CNTN4: variants seen among roughly 807,000 people sequenced by gnomAD.
CNTN4 encodes contactin-4.
Under a neutral mutation model 122.5 loss-of-function variants are expected in CNTN4, and 77 were observed. The ratio of observed to expected loss-of-function variants is 0.63; its 90% CI spans 0.52 to 0.76. CNTN4 has a LOEUF of 0.76. Ranked by LOEUF, CNTN4 falls within the 30% of genes least tolerant of loss-of-function variation. The pLI, the probability that CNTN4 is intolerant of heterozygous loss-of-function variation, is 0.00. For synonymous variants in CNTN4, 512 were observed against 447.0 expected, an observed-to-expected ratio of 1.15 and a Z score of -1.83; for missense variants, 1,256 against 1,259.1, an observed-to-expected ratio of 1.00 and a Z score of 0.04.
intron 3 of CNTN4, among the ~76,000 whole-genome samples, chr3:2,370,267 G>A (rs2045582612): frequency 6.6e-6 from 1 of 151,996 alleles, no homozygotes; most frequent in Non-Finnish European, 1.5e-5. Flanking sequence ...CCCAGTGTTA[G>A]CTATTCTGTA....
chr3:2,602,748 C>G (rs9870780), intron 4 of CNTN4, among the ~76,000 whole-genome samples: 172 of 152,224 alleles, frequency 1.1e-3, no homozygotes, highest in African/African-American at 3.9e-3. Flanking sequence ...CTTCAGTTCA[C>G]CCAAGGATTA....
chr3:2,348,356 T>C (rs1453116916), intron 3 of CNTN4, among the ~76,000 whole-genome samples: 1 of 152,198 alleles, frequency 6.6e-6, no homozygotes, highest in Admixed American at 6.5e-5. Context: ...CTTCTTTTCA[T>C]GGATTTAGGG....
At chr3:2,198,018 ACTCT>A (rs1388092733) in intron 2 of CNTN4, among the ~76,000 whole-genome samples, 3 of 137,900 alleles carry the variant, frequency 2.2e-5, no homozygotes, top group African/African-American at 8.0e-5. Flanking sequence ...GGCAACAGAC[ACTCT>A]CTCTGGAAAA....
At position 2,385,426 on chromosome 3, in the gene CNTN4, TG is replaced by T. The variant is rs1257263211; in HGVS notation, c.-89+46194del. Among the ~76,000 whole-genome samples, 3 of 152,096 alleles carry T rather than the reference TG, an allele frequency of 2.0e-5. No individual in the cohort carries two copies. The highest frequency in any genetic ancestry group is 2.9e-5 in the Non-Finnish European group (2 of 68,030). On this transcript the variant is annotated intron_variant, in intron 3 of 24. Coordinates refer to ENST00000418658, the MANE Select transcript of CNTN4 (RefSeq NM_175607.3). This position sits in a 1 kb window ranked among gnomAD's most constrained non-coding sequence, Gnocchi z 4.0. ...ACTATTACCTGAGCAATATTCCTGG[TG>T]TCTTGTTCATAGCAGATGCTTGTAT...
At chr3:2,334,448 G>A (rs984716050) in intron 2 of CNTN4, among the ~76,000 whole-genome samples, 2 of 152,066 alleles carry the variant, frequency 1.3e-5, no homozygotes, top group Non-Finnish European at 1.5e-5. Context: ...TAGGAGCCAC[G>A]GCACCTGGCC....
chr3:2,287,705 AGAAGAGGAAG>A (rs2041978426), intron 2 of CNTN4, among the ~76,000 whole-genome samples: 2 of 72,050 alleles, frequency 2.8e-5, no homozygotes, highest in African/African-American at 1.1e-4. Context: ...AAGAAGAAGA[AGAAGAGGAAG>A]AAGAAGAAGA....
chr3:2,901,790 T>C (rs115451866), intron 11 of CNTN4, among the ~76,000 whole-genome samples: 47 of 152,274 alleles, frequency 3.1e-4, no homozygotes, highest in African/African-American at 1.1e-3. Context: ...TGGGAGTTTA[T>C]GTAGCTGGGG....
chr3:2,778,269 C>A (rs2091429802), intron 6 of CNTN4, among the ~76,000 whole-genome samples: 1 of 57,416 alleles, frequency 1.7e-5, no homozygotes. Context: ...AAAGAAATAA[C>A]TGTCCCAGAA....
intron 3 of CNTN4, among the ~76,000 whole-genome samples, chr3:2,470,267 G>A (rs1469936505): frequency 7.9e-5 from 12 of 151,948 alleles, no homozygotes; most frequent in African/African-American, 1.7e-4. Context: ...TAGTAGAGAC[G>A]GGGTTTCACC....
chr3:2,379,964 G>A (rs2045956663), intron 3 of CNTN4, among the ~76,000 whole-genome samples: 1 of 151,528 alleles, frequency 6.6e-6, no homozygotes, highest in African/African-American at 2.4e-5. Flanking sequence ...GGCTGAGACC[G>A]GAGAATCGCT....
intron 4 of CNTN4, among the ~76,000 whole-genome samples, chr3:2,697,522 G>T (rs149630979): frequency 6.6e-6 from 1 of 152,256 alleles, no homozygotes; most frequent in South Asian, 2.1e-4. Flanking sequence ...TCAGGTTGGG[G>T]TTGCCAGTGA....
chr3:2,462,295 T>C (rs1307620820), intron 3 of CNTN4, among the ~76,000 whole-genome samples: 1 of 152,172 alleles, frequency 6.6e-6, no homozygotes, highest in East Asian at 1.9e-4. Context: ...CTGTTTAGTA[T>C]GTACCTCATA....
Position 2,622,161 on chromosome 3 carries a change from G to C in CNTN4, c.55+50603G>C, listed in dbSNP as rs148114974. ...TTTGCTGTTTCTAGATTCTGCGTTT[G>C]GTTATGTATCCTGTACTCACTATGG... On this transcript the variant is annotated intron_variant, in intron 4 of 24. Transcript: ENST00000418658. Among the ~76,000 whole-genome samples the C allele has an allele frequency of 4.4e-3, 665 of 152,182 alleles. 7 individuals carry two copies. Among genetic ancestry groups the C allele is most frequent in the African/African-American group, 0.015 (631 of 41,518 alleles).
chr3:2,727,432 TGTCATAACTAGGGCTTGGC>T (rs1238583956), intron 4 of CNTN4, among the ~76,000 whole-genome samples: 10 of 152,242 alleles, frequency 6.6e-5, no homozygotes, highest in African/African-American at 2.4e-4. Context: ...GCTTCTTTCT[TGTCATAACTAGGGCTTGGC>T]GTCAGTATCA....
intron 3 of CNTN4, among the ~76,000 whole-genome samples, chr3:2,341,256 C>T (rs949130429): frequency 1.3e-5 from 2 of 152,148 alleles, no homozygotes; most frequent in Admixed American, 6.6e-5. Flanking sequence ...GAACTCATAT[C>T]CCTGTTAGGG....
At chr3:2,882,816 T>G (rs756610912) in intron 8 of CNTN4, 9 of 284,944 alleles carry the variant, frequency 3.2e-5, no homozygotes, top group Non-Finnish European at 4.1e-5. Context: ...AAAGAGATAA[T>G]TTAATTTTCC....
intron 13 of CNTN4, among the ~76,000 whole-genome samples, chr3:2,987,653 T>A (rs1173748839): frequency 1.3e-5 from 2 of 152,204 alleles, no homozygotes; most frequent in Admixed American, 6.5e-5. Flanking sequence ...GTAGTCATGA[T>A]GAAAACAGAG....
Position 3,020,695 on chromosome 3 carries a change from A to T in CNTN4, c.1487-5407A>T, listed in dbSNP as rs1411029927. On this transcript the variant is annotated intron_variant, in intron 14 of 24. Transcript: ENST00000418658. ...GTTCTTCCTTCTACAGAGCCAGAAT[A>T]TGCCTGTTTGTAGTTACTCTTTGCT... Among the ~76,000 whole-genome samples the T allele has an allele frequency of 3.9e-5, 6 of 152,194 alleles. No homozygotes were observed. The East Asian group carries it at 1.2e-3, about 29-fold the overall frequency.
chr3:2,485,532 C>T (rs575180263), intron 3 of CNTN4, among the ~76,000 whole-genome samples: 26 of 152,148 alleles, frequency 1.7e-4, no homozygotes, highest in African/African-American at 6.3e-4. Context: ...TTTTGTCTAG[C>T]TTAGGGATTG....
Sources: gnomAD v4.1 joint callset for allele counts (sites outside exome capture counted in the v4.1 genomes callset) on GRCh38, gnomAD v4.1.1 for gene constraint, Gnocchi (gnomAD v3.1) non-coding constraint, MANE v1.5 for transcripts, NCBI Gene and HGNC (gene_info 2026-07-23, HGNC 2026-07-21) for gene names.